BNC2: variants seen among roughly 807,000 people sequenced by gnomAD.
BNC2 encodes the protein zinc finger protein basonuclin-2.
In BNC2, 20 loss-of-function variants were observed where a neutral mutation model predicts 76.3. That is an observed-to-expected ratio of 0.26 (90% confidence interval 0.18 to 0.38). The LOEUF is 0.38. Ranked by LOEUF, BNC2 falls within the 10% of genes least tolerant of loss-of-function variation. The pLI is 1.00. For missense variants in BNC2, 1,382 were observed against 1,399.8 expected (o/e 0.99, Z 0.20); for synonymous variants, 582 against 514.8 (o/e 1.13, Z -1.77).
chr9:16,451,759 TGATCTGCTTATATTTCAGG>T (rs978811665), intron 5 of BNC2, among the ~76,000 whole-genome samples: 2 of 152,244 alleles, frequency 1.3e-5, no homozygotes, highest in African/African-American at 2.4e-5. Flanking sequence ...GCCCCTTCAG[TGATCTGCTTATATTTCAGG>T]GATCTGCTTA....
chr9:16,659,481 GC>G (rs1436271808), intron 3 of BNC2, among the ~76,000 whole-genome samples: 1 of 152,008 alleles, frequency 6.6e-6, no homozygotes, highest in African/African-American at 2.4e-5. Flanking sequence ...GGTGGTGCAT[GC>G]CTGTAATCCC....
chr9:16,643,487 T>A (rs143196679), intron 3 of BNC2, among the ~76,000 whole-genome samples: 2 of 152,154 alleles, frequency 1.3e-5, no homozygotes, highest in East Asian at 3.9e-4. Flanking sequence ...TACATTTGAA[T>A]CACCTACGGA....
chr9:16,821,779 T>C (rs962532848), intron 1 of BNC2, among the ~76,000 whole-genome samples: 18 of 151,926 alleles, frequency 1.2e-4, no homozygotes, highest in African/African-American at 4.4e-4. Flanking sequence ...TGAAACCTCA[T>C]CTCTACTAAA....
intron 5 of BNC2, among the ~76,000 whole-genome samples, chr9:16,486,339 G>C (rs952033649): frequency 1.3e-5 from 2 of 152,298 alleles, no homozygotes; most frequent in African/African-American, 2.4e-5. Flanking sequence ...AATCAGAATA[G>C]TAGTATCATT....
chr9:16,738,500 G>C lies in BNC2; in HGVS notation c.4-15C>G. ...CCAAGGTGTGCCTATTGAGAGATTG[G>C]GAAAGGAAATTACATATGCCCAGAC... is the stretch of plus-strand genomic sequence containing the variant. On this transcript the variant is annotated splice_polypyrimidine_tract_variant and intron_variant, in intron 1 of 6. Transcript: ENST00000380672. 1 of 1,613,606 alleles carries C rather than the reference G, an allele frequency of 6.2e-7. No homozygotes were observed. The highest frequency in any genetic ancestry group is 8.5e-7 in the Non-Finnish European group (1 of 1,179,768).
intron 1 of BNC2, among the ~76,000 whole-genome samples, chr9:16,869,325 A>G (rs1280172315): frequency 2.6e-5 from 4 of 152,124 alleles, no homozygotes. Context: ...TCTAGGGTAA[A>G]TGGGAACCAT....
intron 1 of BNC2, among the ~76,000 whole-genome samples, chr9:16,807,319 T>C (rs998997172): frequency 2.6e-5 from 4 of 152,200 alleles, no homozygotes; most frequent in African/African-American, 9.6e-5. Context: ...ATAGTATCAA[T>C]TTCCATGAAA....
At chr9:16,594,012 T>C (rs1232760870) in intron 3 of BNC2, among the ~76,000 whole-genome samples, 1 of 152,200 alleles carries the variant, frequency 6.6e-6, no homozygotes, top group Non-Finnish European at 1.5e-5. Context: ...ATTTGAAAGA[T>C]GGTAATGTGA....
intron 3 of BNC2, among the ~76,000 whole-genome samples, chr9:16,711,628 T>C (rs1334322542): frequency 6.6e-6 from 1 of 152,226 alleles, no homozygotes; most frequent in Non-Finnish European, 1.5e-5. Flanking sequence ...CAAACTATTC[T>C]TTCCTAACTC....
At chr9:16,517,108 T>A (rs117715933) in intron 5 of BNC2, among the ~76,000 whole-genome samples, 22 of 152,280 alleles carry the variant, frequency 1.4e-4, no homozygotes, top group Admixed American at 4.6e-4. Flanking sequence ...CATTCCCCCA[T>A]AATGATGGTG....
At chr9:16,844,280 C>G (rs948903269) in intron 1 of BNC2, among the ~76,000 whole-genome samples, 4 of 151,868 alleles carry the variant, frequency 2.6e-5, no homozygotes, top group African/African-American at 9.7e-5. Flanking sequence ...GAGTTGGGGG[C>G]TTACGACTAA....
chr9:16,636,940 T>C (rs941988714), intron 3 of BNC2, among the ~76,000 whole-genome samples: 2 of 151,702 alleles, frequency 1.3e-5, no homozygotes, highest in Non-Finnish European at 2.9e-5. Flanking sequence ...TATATATATA[T>C]GTATTTTTTT....
At chr9:16,473,997 C>G (rs559478584) in intron 5 of BNC2, among the ~76,000 whole-genome samples, 56 of 152,310 alleles carry the variant, frequency 3.7e-4, no homozygotes, top group African/African-American at 1.3e-3. Context: ...GATATTATAG[C>G]TTGTCTAAAT....
chr9:16,503,177 T>A (rs368141034), intron 5 of BNC2, among the ~76,000 whole-genome samples: 1 of 152,086 alleles, frequency 6.6e-6, no homozygotes, highest in Non-Finnish European at 1.5e-5. Context: ...ATATATATGG[T>A]TTACCACCCT....
chr9:16,533,037 T>C (rs1435700324), intron 5 of BNC2, among the ~76,000 whole-genome samples: 1 of 152,242 alleles, frequency 6.6e-6, no homozygotes, highest in Non-Finnish European at 1.5e-5. Flanking sequence ...ACTTAAGACT[T>C]TATTTGTAAA....
At chr9:16,664,026 T>C (rs753551125) in intron 3 of BNC2, among the ~76,000 whole-genome samples, 36 of 152,194 alleles carry the variant, frequency 2.4e-4, no homozygotes, top group Non-Finnish European at 4.4e-4. Context: ...AGAGATTAGT[T>C]ATGAAAACTT....
At chr9:16,781,916 G>A (rs924792356) in intron 1 of BNC2, among the ~76,000 whole-genome samples, 19 of 152,104 alleles carry the variant, frequency 1.2e-4, no homozygotes, top group Admixed American at 7.2e-4. Flanking sequence ...AGATGGAAAG[G>A]AGAAAACTGG....
intron 1 of BNC2, 99 bp from the exon 2 acceptor site, chr9:16,738,584 C>G (rs1459986769): frequency 6.1e-6 from 8 of 1,305,432 alleles, no homozygotes; most frequent in Non-Finnish European, 8.6e-6. Flanking sequence ...ATATAACACA[C>G]CAATGACCAA....
intron 5 of BNC2, among the ~76,000 whole-genome samples, chr9:16,515,960 A>G (rs1563819896): frequency 6.7e-6 from 1 of 149,848 alleles, no homozygotes; most frequent in Non-Finnish European, 1.5e-5. Flanking sequence ...AAAAAAAGTC[A>G]GACTGCCACT....
Sources: allele counts gnomAD v4.1 joint callset (sites outside exome capture counted in the v4.1 genomes callset), GRCh38; gene constraint gnomAD v4.1.1; transcripts MANE v1.5; gene names NCBI Gene and HGNC (gene_info 2026-07-23, HGNC 2026-07-21).